Variants in LGR6 observed in about 807,000 individuals in gnomAD.
LGR6 encodes the protein leucine rich repeat containing G protein-coupled receptor 6, also known as leucine-rich repeat-containing G protein-coupled receptor 6.
In LGR6, 45 loss-of-function variants were observed where a neutral mutation model predicts 69.4. The observed-to-expected ratio is 0.65, with a 90% CI of 0.51 to 0.83. The LOEUF is 0.83. LGR6 is among the 40% of genes least tolerant of loss of function. LGR6 has a pLI of 0.00. For synonymous variants in LGR6, 538 were observed against 555.0 expected (o/e 0.97, Z 0.43); for missense variants, 1,108 against 1,246.7 (o/e 0.89, Z 1.68).
intron 6 of LGR6, among the ~76,000 whole-genome samples, chr1:202,292,794 A>C (rs1157394751): frequency 6.6e-6 from 1 of 152,250 alleles, no homozygotes; most frequent in East Asian, 1.9e-4. Flanking sequence ...GCTACTGAGC[A>C]CTTGAAGTGT....
chr1:202,316,403 C>T (rs1654147441), intron 17 of LGR6, among the ~76,000 whole-genome samples: 1 of 152,158 alleles, frequency 6.6e-6, no homozygotes, highest in Non-Finnish European at 1.5e-5. Flanking sequence ...TGAGAACTCA[C>T]TCACCCTCAC....
chr1:202,304,865 G>A (rs974442170), intron 11 of LGR6, among the ~76,000 whole-genome samples: 4 of 152,100 alleles, frequency 2.6e-5, no homozygotes, highest in South Asian at 4.1e-4. Context: ...CGATATCCTC[G>A]TCTATAACAT....
intron 4 of LGR6, among the ~76,000 whole-genome samples, chr1:202,248,532 G>A (rs1042521743): frequency 1.3e-5 from 2 of 151,486 alleles, no homozygotes; most frequent in African/African-American, 4.8e-5. Flanking sequence ...TCCTTCCTTT[G>A]CCCTCCCTTA....
At chr1:202,317,094 A>G (rs1654203387) in intron 17 of LGR6, among the ~76,000 whole-genome samples, 1 of 152,236 alleles carries the variant, frequency 6.6e-6, no homozygotes, top group South Asian at 2.1e-4. Flanking sequence ...ACTCTCCCAC[A>G]GTGGAGGACT....
At chr1:202,303,974 A>C (rs558313999) in intron 10 of LGR6, among the ~76,000 whole-genome samples, 1 of 152,156 alleles carries the variant, frequency 6.6e-6, no homozygotes, top group Non-Finnish European at 1.5e-5. Flanking sequence ...TTATTCCCCA[A>C]AGATGACCTT....
At chr1:202,248,010 C>T (rs746739262) in intron 4 of LGR6, among the ~76,000 whole-genome samples, 1 of 152,120 alleles carries the variant, frequency 6.6e-6, no homozygotes, top group South Asian at 2.1e-4. Context: ...TTTTCGAGAG[C>T]GTGTGAGTAA....
rs138692884 is a variant in LGR6, at chr1:202,271,268, A to G, written c.429-5038A>G. ...GCTCGGAGACTCCTTCAGCAATCCA[A>G]TACCCCTTTCCTGGCTGCCAGATGG... On this transcript the variant is annotated intron_variant, in intron 4 of 17. Coordinates refer to ENST00000367278, the MANE Select transcript of LGR6 (RefSeq NM_001017403.2). 2.8e-3 allele frequency among the ~76,000 whole-genome samples: 419 copies of G among 152,196 alleles called. 6 individuals carry two copies. The highest frequency in any genetic ancestry group is 9.6e-3 in the African/African-American group (400 of 41,526).
chr1:202,215,023 G>A (rs1014692139), intron 1 of LGR6, among the ~76,000 whole-genome samples: 5 of 151,268 alleles, frequency 3.3e-5, no homozygotes, highest in Admixed American at 2.6e-4. Context: ...GTGTGTGTGC[G>A]CGCGCGCGCG....
At chr1:202,240,839 C>A (rs7524808) in intron 4 of LGR6, among the ~76,000 whole-genome samples, 62,560 of 151,956 alleles carry the variant, frequency 0.41, 13,235 homozygotes, top group African/African-American at 0.48. Flanking sequence ...CATTCCATAC[C>A]TCTGACCTTC....
intron 1 of LGR6, among the ~76,000 whole-genome samples, chr1:202,199,304 CT>C (rs1238042289): frequency 1.3e-5 from 2 of 152,060 alleles, no homozygotes; most frequent in African/African-American, 4.8e-5. Context: ...GTGGGGTCCC[CT>C]GGGGCTCTCC....
At position 202,318,193 on chromosome 1, in the gene LGR6, T is replaced by C. The variant is rs758704072; in HGVS notation, c.1890T>C (p.Ser630=). The stretch of plus-strand genomic sequence containing the variant: ...ATGCCCTGACCTTTGGTCAGTTCTC[T>C]GAGTACGGAGCCCGCTGGGAGACGG... ...SVDALTFGQF[S]EYGARWETGL... The change falls in exon 18 of 18, where the codon TCT becomes TCC. Residue 630 remains serine (S), a synonymous_variant. Transcript: ENST00000367278. The C allele has an allele frequency of 1.2e-6, 2 of 1,613,410 alleles. No homozygotes were observed. The highest frequency in any genetic ancestry group is 4.5e-5 in the East Asian group (2 of 44,880).
chr1:202,245,350 A>G (rs1045745401), intron 4 of LGR6, among the ~76,000 whole-genome samples: 114 of 152,270 alleles, frequency 7.5e-4, no homozygotes, highest in African/African-American at 2.4e-3. Context: ...GGGTCTGAAC[A>G]TGGGTAATTT....
Position 202,318,718 on chromosome 1 carries a change from C to G in LGR6, c.2415C>G (p.Pro805=), listed in dbSNP as rs201220924. ...ASMLGLFPVT[P]EAVKSVLLVV... ...TGCTGGGCCTCTTCCCTGTCACGCC[C>G]GAGGCCGTCAAGTCTGTCCTGCTGG... The change falls in exon 18 of 18, where the codon CCC becomes CCG. Residue 805 remains proline, a synonymous_variant. Coordinates refer to ENST00000367278, the MANE Select transcript of LGR6 (RefSeq NM_001017403.2). 10 of 1,613,464 alleles carry G rather than the reference C, an allele frequency of 6.2e-6. No individual in the cohort carries two copies. The highest frequency in any genetic ancestry group is 8.5e-6 in the Non-Finnish European group (10 of 1,179,990).
intron 4 of LGR6, among the ~76,000 whole-genome samples, chr1:202,265,143 G>T (rs1490295719): frequency 6.6e-6 from 1 of 152,130 alleles, no homozygotes; most frequent in Admixed American, 6.5e-5. Context: ...TTGTAAGTGG[G>T]TATGGAAAGG....
At chr1:202,300,693 G>A (rs1667523530) in intron 7 of LGR6, among the ~76,000 whole-genome samples, 156 bp from the exon 8 acceptor site, 2 of 151,644 alleles carry the variant, frequency 1.3e-5, no homozygotes, top group African/African-American at 4.8e-5. Context: ...AAAAATCACA[G>A]GCAGTATTTG....
chr1:202,285,131 T>C (rs547947214), intron 6 of LGR6, among the ~76,000 whole-genome samples: 1 of 152,374 alleles, frequency 6.6e-6, no homozygotes, highest in African/African-American at 2.4e-5. Flanking sequence ...TCAAATCTCC[T>C]CTGGTGATGG....
intron 1 of LGR6, among the ~76,000 whole-genome samples, chr1:202,222,341 T>G (rs1660214464): frequency 6.6e-6 from 1 of 150,698 alleles, no homozygotes; most frequent in Non-Finnish European, 1.5e-5. Context: ...TGGGGGCGGG[T>G]GGAGGGGTTC....
intron 16 of LGR6, among the ~76,000 whole-genome samples, chr1:202,311,984 C>A (rs753463759): frequency 6.6e-6 from 1 of 152,216 alleles, no homozygotes; most frequent in Admixed American, 6.5e-5. Context: ...AGACAGCTGT[C>A]CCCGGGGGAC....
At chr1:202,260,254 A>C (rs1005244889) in intron 4 of LGR6, among the ~76,000 whole-genome samples, 1 of 150,170 alleles carries the variant, frequency 6.7e-6, no homozygotes, top group African/African-American at 2.5e-5. Context: ...GGCCAGACTG[A>C]TTTCGAACTC....
Sources: gnomAD v4.1 joint callset for allele counts (sites outside exome capture counted in the v4.1 genomes callset) on GRCh38, gnomAD v4.1.1 for gene constraint, MANE v1.5 for transcripts, NCBI Gene and HGNC (gene_info 2026-07-23, HGNC 2026-07-21) for gene names.